The following AKT3 variants were observed in gnomAD, a reference collection of about 807,000 sequenced individuals.
The protein encoded by AKT3 is AKT serine/threonine kinase 3.
A neutral mutation model predicts 65.3 loss-of-function variants in AKT3; 15 were observed. That is an observed-to-expected ratio of 0.23 (90% confidence interval 0.15 to 0.35). The LOEUF is 0.35. Ranked by LOEUF, AKT3 falls within the 10% of genes least tolerant of loss-of-function variation. AKT3 has a pLI of 1.00. For synonymous variants in AKT3, 206 were observed against 183.8 expected, an observed-to-expected ratio of 1.12 and a Z score of -0.98; for missense variants, 243 against 576.5, an observed-to-expected ratio of 0.42 and a Z score of 5.92.
intron 3 of AKT3, among the ~76,000 whole-genome samples, chr1:243,669,192 C>A (rs1031465286): frequency 5.9e-5 from 9 of 152,254 alleles, no homozygotes; most frequent in Middle Eastern, 3.4e-3. Flanking sequence ...CAGTAATTCA[C>A]TAGCTATATT....
Position 243,755,327 on chromosome 1 carries a change from G to C in AKT3, c.47-59611C>G, listed in dbSNP as rs544252388. ...TGAGCCCAAGTGATCTGCCCGCCTC[G>C]GCCACCAAAGTGCTAGGATTACAGG... On this transcript the variant is annotated intron_variant, in intron 2 of 13. Coordinates refer to ENST00000673466, the MANE Select transcript of AKT3 (RefSeq NM_005465.7). Among the ~76,000 whole-genome samples the C allele has an allele frequency of 1.6e-3, 240 of 151,402 alleles. 2 individuals are homozygous for C. The highest frequency in any genetic ancestry group is 6.8e-3 in the Middle Eastern group (2 of 292).
At chr1:243,662,456 AC>A (rs1365685554) in intron 4 of AKT3, among the ~76,000 whole-genome samples, 5 of 151,124 alleles carry the variant, frequency 3.3e-5, no homozygotes, top group African/African-American at 9.7e-5. Flanking sequence ...TATCGCAAGG[AC>A]AAAAAACCAA....
At position 243,499,825 on chromosome 1, in the gene AKT3, A is replaced by ATATT. The variant is rs1473271068; in HGVS notation, c.*5420_*5423dup. ...AGTGAAATAAATGATTTACAAAGAG[A>ATATT]TATTTACATTCATCTGGTTTAGACT... On this transcript the variant is annotated 3_prime_UTR_variant, in exon 14 of 14. Transcript: ENST00000673466. 1 of 1,594,732 alleles carries ATATT rather than the reference A, an allele frequency of 6.3e-7. No homozygotes were observed. The highest frequency in any genetic ancestry group is 1.3e-5 in the African/African-American group (1 of 74,532).
chr1:243,586,611 G>T (rs1177399040), intron 8 of AKT3, among the ~76,000 whole-genome samples: 1 of 152,144 alleles, frequency 6.6e-6, no homozygotes, highest in Non-Finnish European at 1.5e-5. Flanking sequence ...TATCCGGAGT[G>T]AATTAACACA....
chr1:243,766,172 G>A (rs1172683817), intron 2 of AKT3, among the ~76,000 whole-genome samples: 2 of 152,064 alleles, frequency 1.3e-5, no homozygotes, highest in Admixed American at 6.5e-5. Flanking sequence ...ATAGAGCAAA[G>A]GCTTAAGGTT....
At chr1:243,706,624 A>G (rs1321823539) in intron 2 of AKT3, among the ~76,000 whole-genome samples, 1 of 152,222 alleles carries the variant, frequency 6.6e-6, no homozygotes, top group African/African-American at 2.4e-5. Context: ...CATGCCCTTC[A>G]TAACTCCTCT....
At chr1:243,491,541 T>C (rs1666415740) in intron 13 of AKT3, among the ~76,000 whole-genome samples, 1 of 152,214 alleles carries the variant, frequency 6.6e-6, no homozygotes, top group Non-Finnish European at 1.5e-5. Flanking sequence ...GTTTGCAAGC[T>C]CTCTGCTGAA....
chr1:243,536,473 T>C (rs1028073267), intron 12 of AKT3, among the ~76,000 whole-genome samples: 1 of 152,226 alleles, frequency 6.6e-6, no homozygotes, highest in Non-Finnish European at 1.5e-5. Flanking sequence ...TTCTCATTTA[T>C]GCTACACATG....
At chr1:243,759,091 A>G (rs1489922779) in intron 2 of AKT3, among the ~76,000 whole-genome samples, 1 of 152,176 alleles carries the variant, frequency 6.6e-6, no homozygotes, top group Admixed American at 6.5e-5. Context: ...AGGCAGGAGG[A>G]TCACTTGGGT....
chr1:243,803,547 T>C (rs1692508092), intron 2 of AKT3, among the ~76,000 whole-genome samples: 1 of 152,130 alleles, frequency 6.6e-6, no homozygotes. Flanking sequence ...GACTCACTTA[T>C]ATAAGCAATC....
At chr1:243,645,859 A>C in intron 5 of AKT3, 34 bp downstream of exon 5, 1 of 1,547,226 alleles carries the variant, frequency 6.5e-7, no homozygotes, top group Non-Finnish European at 8.7e-7. Flanking sequence ...CAGACAAATG[A>C]ATGCTGTGCT....
chr1:243,849,959 G>A (rs998411675), intron 1 of AKT3, 81 bp downstream of exon 1: 11 of 949,074 alleles, frequency 1.2e-5, no homozygotes, highest in African/African-American at 1.8e-5. Flanking sequence ...GGGAGGCAGG[G>A]AGGGCGGACC....
chr1:243,810,498 G>A (rs1693064100), intron 2 of AKT3, among the ~76,000 whole-genome samples: 1 of 151,984 alleles, frequency 6.6e-6, no homozygotes, highest in South Asian at 2.1e-4. Flanking sequence ...TCTCTGAAAG[G>A]ACCAATAACA....
At chr1:243,627,311 T>C (rs545771919) in intron 6 of AKT3, among the ~76,000 whole-genome samples, 44 of 147,834 alleles carry the variant, frequency 3.0e-4, no homozygotes, top group Admixed American at 2.4e-3. Context: ...CTGGACAACA[T>C]AGTGAGACCC....
downstream of AKT3, chr1:243,499,663 T>G: frequency 9.7e-7 from 1 of 1,033,336 alleles, no homozygotes; most frequent in South Asian, 1.3e-5. Context: ...ACAACAGTTT[T>G]CATCATAAAA....
intron 8 of AKT3, among the ~76,000 whole-genome samples, chr1:243,584,521 A>T (rs1023904941): frequency 5.3e-5 from 8 of 152,212 alleles, no homozygotes; most frequent in African/African-American, 1.9e-4. Flanking sequence ...CCTGATGAAC[A>T]CAGGTGCAAA....
intron 8 of AKT3, among the ~76,000 whole-genome samples, chr1:243,576,082 T>C (rs1232359732): frequency 3.9e-5 from 6 of 152,100 alleles, no homozygotes; most frequent in African/African-American, 7.2e-5. Flanking sequence ...TGGATCCACA[T>C]ATGCAAATCA....
intron 2 of AKT3, among the ~76,000 whole-genome samples, chr1:243,780,072 A>C (rs958105563): frequency 1.3e-5 from 2 of 152,106 alleles, no homozygotes; most frequent in African/African-American, 4.8e-5. Context: ...AAGAACCCTA[A>C]ATGGATGCCA....
At chr1:243,780,032 T>C (rs978200507) in intron 2 of AKT3, among the ~76,000 whole-genome samples, 3 of 152,190 alleles carry the variant, frequency 2.0e-5, no homozygotes, top group African/African-American at 7.2e-5. Context: ...ATTAGAAAAC[T>C]ACCATAAATC....
Sources: allele counts gnomAD v4.1 joint callset (sites outside exome capture counted in the v4.1 genomes callset), GRCh38; gene constraint gnomAD v4.1.1; transcripts MANE v1.5; gene names NCBI Gene and HGNC (gene_info 2026-07-23, HGNC 2026-07-21).